EIF4EBP2: variants seen among roughly 807,000 people sequenced by gnomAD.
The protein encoded by EIF4EBP2 is eukaryotic translation initiation factor 4E-binding protein 2.
A neutral mutation model predicts 10.3 loss-of-function variants in EIF4EBP2; 5 were observed. That is an observed-to-expected ratio of 0.48 (90% CI 0.25 to 1.02). The LOEUF (loss-of-function observed/expected upper bound fraction) is 1.02, where lower values mean the gene tolerates loss of function less well. EIF4EBP2 is among the 50% of genes least tolerant of loss of function. EIF4EBP2 has a pLI of 0.15. For missense variants in EIF4EBP2, 188 were observed against 162.2 expected, an observed-to-expected ratio of 1.16 and a Z score of -0.86; for synonymous variants, 67 against 61.1, an observed-to-expected ratio of 1.10 and a Z score of -0.45.
At position 70,428,050 on chromosome 10, in the gene EIF4EBP2, G is replaced by C. The variant is rs1478145047; in HGVS notation, c.*6303G>C. 1.3e-5 allele frequency: 2 copies of C among 151,260 alleles called. No individual in the cohort carries two copies. Among genetic ancestry groups the C allele is most frequent in the Admixed American group, 1.3e-4 (2 of 15,150 alleles). 9.4% of individuals were successfully genotyped at this position (151,260 alleles called of 1,614,324 possible). ...GAAGAACACTAGCAGGGAGCTAAGAGGCAGGTTGCTGGGTAAGCCATCCTG... is the reference window on the plus strand; with the variant it reads ...GAAGAACACTAGCAGGGAGCTAAGACGCAGGTTGCTGGGTAAGCCATCCTG... On this transcript the variant is annotated 3_prime_UTR_variant, in exon 3 of 3. Coordinates refer to ENST00000373218, the MANE Select transcript of EIF4EBP2 (RefSeq NM_004096.5).
At chr10:70,407,433 A>C (rs1029384778) in intron 1 of EIF4EBP2, among the ~76,000 whole-genome samples, 1 of 152,056 alleles carries the variant, frequency 6.6e-6, no homozygotes, top group Non-Finnish European at 1.5e-5. Flanking sequence ...GGTTGGGGGT[A>C]AGGTCACAGA....
chr10:70,407,067 T>C (rs1401080707), intron 1 of EIF4EBP2, among the ~76,000 whole-genome samples: 3 of 152,052 alleles, frequency 2.0e-5, no homozygotes, highest in African/African-American at 7.2e-5. Flanking sequence ...CCAGCTAATT[T>C]TTTGTATTTT....
intron 1 of EIF4EBP2, among the ~76,000 whole-genome samples, chr10:70,416,187 G>A (rs1201321518): frequency 6.6e-6 from 1 of 152,176 alleles, no homozygotes; most frequent in Admixed American, 6.5e-5. Context: ...ACCACAGTGA[G>A]AAACCACTTC....
chr10:70,411,385 CT>C lies in EIF4EBP2; in HGVS notation c.145+6850del, dbSNP rs35659191. 8.5e-3 allele frequency among the ~76,000 whole-genome samples: 1,234 copies of C among 145,762 alleles called. 8 individuals carry two copies. Among genetic ancestry groups the C allele is most frequent in the East Asian group, 0.026 (131 of 5,036 alleles). Reference sequence around the variant, plus strand: ...TCATGCTTTTTTTCTTGCCATTTTGCTTTTTTTTTTTATTATTATTACATTT... The same window carrying C: ...TCATGCTTTTTTTCTTGCCATTTTGCTTTTTTTTTTATTATTATTACATTT... On this transcript the variant is annotated intron_variant, in intron 1 of 2. Transcript: ENST00000373218.
chr10:70,407,433 A>G (rs1029384778), intron 1 of EIF4EBP2, among the ~76,000 whole-genome samples: 4 of 152,056 alleles, frequency 2.6e-5, no homozygotes, highest in African/African-American at 4.8e-5. Context: ...GGTTGGGGGT[A>G]AGGTCACAGA....
intron 2 of EIF4EBP2, 66 bp from the exon 3 acceptor site, chr10:70,421,650 G>T: frequency 7.2e-7 from 1 of 1,389,080 alleles, no homozygotes; most frequent in South Asian, 1.2e-5. Flanking sequence ...TAGAGGGAAT[G>T]ACAGTTAAAA....
At chr10:70,421,279 C>T (rs891620318) in intron 2 of EIF4EBP2, among the ~76,000 whole-genome samples, 1 of 152,194 alleles carries the variant, frequency 6.6e-6, no homozygotes, top group African/African-American at 2.4e-5. Context: ...CTGAAATATT[C>T]CTCAGGGACT....
chr10:70,416,963 T>G lies in EIF4EBP2; in HGVS notation c.146-2951T>G, dbSNP rs565756200. Among the ~76,000 whole-genome samples the G allele has an allele frequency of 2.0e-5, 3 of 152,284 alleles. No individual in the cohort carries two copies. The East Asian group carries it at 5.8e-4, about 29-fold the overall frequency. ...CAGGTGTGAGCCATGCCTGGCTAAT[T>G]CCACTTTTTTAGTTTGGTATATACC... On this transcript the variant is annotated intron_variant, in intron 1 of 2. Coordinates refer to ENST00000373218, the MANE Select transcript of EIF4EBP2 (RefSeq NM_004096.5).
At chr10:70,407,730 A>ACCCCCC (rs750558076) in intron 1 of EIF4EBP2, among the ~76,000 whole-genome samples, 15 of 103,562 alleles carry the variant, frequency 1.4e-4, no homozygotes, top group African/African-American at 6.8e-4. Context: ...CGGGGGGCTG[A>ACCCCCC]CCCCCCCCCC....
chr10:70,427,969 T>A lies in EIF4EBP2; in HGVS notation c.*6222T>A, dbSNP rs1845221156. 6.6e-6 allele frequency: 1 copy of A among 151,856 alleles called. No individual in the cohort carries two copies. The highest frequency in any genetic ancestry group is 1.5e-5 in the Non-Finnish European group (1 of 67,972). The allele number at this position is 151,856 out of a possible 1,614,324, so 9.4% of individuals were successfully genotyped here. ...TCTCTCCAGCTTAATCTTTTTTTTT[T>A]TTTTTTTTTTAAAGCCCAGGCCAAG... On this transcript the variant is annotated 3_prime_UTR_variant, in exon 3 of 3. Transcript: ENST00000373218.
rs546848752 is a variant in EIF4EBP2, at chr10:70,427,461, C to T, written c.*5714C>T. 6.6e-6 allele frequency: 1 copy of T among 152,302 alleles called. No individual in the cohort carries two copies. Among genetic ancestry groups the T allele is most frequent in the South Asian group, 2.1e-4 (1 of 4,816 alleles). The allele number at this position is 152,302 out of a possible 1,614,324, so 9.4% of individuals were successfully genotyped here. The stretch of plus-strand genomic sequence containing the variant: ...AGTGGAGTTTCTTGAGGCTAACTTA[C>T]AGAAATTTCTAACTGAAAACTTTAA... On this transcript the variant is annotated 3_prime_UTR_variant, in exon 3 of 3. Coordinates refer to ENST00000373218, the MANE Select transcript of EIF4EBP2 (RefSeq NM_004096.5).
chr10:70,428,388 G>A lies in EIF4EBP2; in HGVS notation c.*6641G>A, dbSNP rs1845226537. On this transcript the variant is annotated 3_prime_UTR_variant, in exon 3 of 3. Coordinates refer to ENST00000373218, the MANE Select transcript of EIF4EBP2 (RefSeq NM_004096.5). The stretch of plus-strand genomic sequence containing the variant: ...CAGCACTTTCCTTGGTCTTCCCTTT[G>A]TCTCCCATGATGTGTTGTTCCCTCA... 6.6e-6 allele frequency: 1 copy of A among 152,026 alleles called. No homozygotes were observed. Among genetic ancestry groups the A allele is most frequent in the African/African-American group, 2.4e-5 (1 of 41,376 alleles). 9.4% of individuals were successfully genotyped at this position (152,026 alleles called of 1,614,324 possible). A position where few individuals can be genotyped will look rare whatever the true frequency, so the allele number is the denominator to read the frequency against.
chr10:70,412,745 A>C (rs1422867260), intron 1 of EIF4EBP2, among the ~76,000 whole-genome samples: 1 of 152,194 alleles, frequency 6.6e-6, no homozygotes, highest in Non-Finnish European at 1.5e-5. Flanking sequence ...TTTTACTCTC[A>C]TATTTCCCTA....
chr10:70,405,883 G>A (rs983361695), intron 1 of EIF4EBP2, among the ~76,000 whole-genome samples: 3 of 152,178 alleles, frequency 2.0e-5, no homozygotes, highest in Non-Finnish European at 4.4e-5. Flanking sequence ...TATATATGGA[G>A]AGCTGGGTTT....
At position 70,410,908 on chromosome 10, in the gene EIF4EBP2, A is replaced by G. The variant is rs76801022; in HGVS notation, c.145+6362A>G. Among the ~76,000 whole-genome samples the G allele has an allele frequency of 1.3e-3, 203 of 152,296 alleles. 6 individuals carry two copies. The East Asian group carries it at 0.028, about 21-fold the overall frequency. ...GCCAAATGCTTTGTTTCTTTTTTTAATTCAATGTCTAGGCTTGAAGGATAC... is the reference window on the plus strand; with the variant it reads ...GCCAAATGCTTTGTTTCTTTTTTTAGTTCAATGTCTAGGCTTGAAGGATAC... On this transcript the variant is annotated intron_variant, in intron 1 of 2. Coordinates refer to ENST00000373218, the MANE Select transcript of EIF4EBP2 (RefSeq NM_004096.5).
chr10:70,417,515 A>G (rs1043757092), intron 1 of EIF4EBP2, among the ~76,000 whole-genome samples: 1 of 152,214 alleles, frequency 6.6e-6, no homozygotes, highest in Non-Finnish European at 1.5e-5. Flanking sequence ...TAAACTTGTA[A>G]AATACCGTAT....
At chr10:70,408,580 T>G (rs1845008656) in intron 1 of EIF4EBP2, among the ~76,000 whole-genome samples, 1 of 152,218 alleles carries the variant, frequency 6.6e-6, no homozygotes, top group African/African-American at 2.4e-5. Context: ...TAATGCTACA[T>G]TCATCTTCCT....
chr10:70,407,505 T>C (rs1250543333), intron 1 of EIF4EBP2, among the ~76,000 whole-genome samples: 3 of 150,550 alleles, frequency 2.0e-5, no homozygotes, highest in Non-Finnish European at 4.5e-5. Flanking sequence ...AAGTCTCCCA[T>C]GTCCACCTCT....
At chr10:70,419,270 C>G (rs1321227434) in intron 1 of EIF4EBP2, among the ~76,000 whole-genome samples, 1 of 152,024 alleles carries the variant, frequency 6.6e-6, no homozygotes, top group Non-Finnish European at 1.5e-5. Context: ...AACTGTTTAT[C>G]AGTTAAAGTG....
Sources: allele counts gnomAD v4.1 joint callset (sites outside exome capture counted in the v4.1 genomes callset), GRCh38; gene constraint gnomAD v4.1.1; transcripts MANE v1.5; gene names NCBI Gene and HGNC (gene_info 2026-07-23, HGNC 2026-07-21).